FDFT1: variants seen among roughly 807,000 people sequenced by gnomAD.
The protein encoded by FDFT1 is farnesyl-diphosphate farnesyltransferase 1.
In FDFT1, 68 loss-of-function variants were observed where a neutral mutation model predicts 46.8. That is an observed-to-expected ratio of 1.45 (90% CI 1.19 to 1.78). The LOEUF is 1.78. FDFT1 is among the 40% of genes most tolerant of loss of function. The pLI is 0.00. For synonymous variants in FDFT1, 351 were observed against 185.1 expected (o/e 1.90, Z -7.28); for missense variants, 928 against 524.4 (o/e 1.77, Z -7.52).
At chr8:11,802,119 G>A, upstream of FDFT1, 1 of 454,576 alleles carries the variant, frequency 2.2e-6, no homozygotes, top group Non-Finnish European at 4.4e-6. Flanking sequence ...CACTAGAGAG[G>A]GGGCAGCTGA....
chr8:11,807,657 G>C (rs1431837389), intron 1 of FDFT1, among the ~76,000 whole-genome samples: 2 of 152,190 alleles, frequency 1.3e-5, no homozygotes, highest in East Asian at 3.8e-4. Context: ...TTTAAAATCA[G>C]GCTTTTTCTC....
intron 4 of FDFT1, among the ~76,000 whole-genome samples, chr8:11,822,700 G>C (rs1809432650): frequency 6.6e-6 from 1 of 152,152 alleles, no homozygotes; most frequent in African/African-American, 2.4e-5. Flanking sequence ...TGTGGTCCCA[G>C]CTACTCTGGA....
chr8:11,803,504 G>A (rs964751289), intron 1 of FDFT1: 4 of 1,220,826 alleles, frequency 3.3e-6, no homozygotes, highest in African/African-American at 3.2e-5. Context: ...GGATTAGCTA[G>A]GTGGTTGGTG....
At chr8:11,827,718 G>A (rs1158767475) in intron 5 of FDFT1, among the ~76,000 whole-genome samples, 2 of 152,112 alleles carry the variant, frequency 1.3e-5, no homozygotes, top group African/African-American at 4.8e-5. Flanking sequence ...AAAAGATGCT[G>A]AGTCTTACTC....
chr8:11,810,308 A>C (rs759265455), intron 3 of FDFT1, among the ~76,000 whole-genome samples: 7 of 152,186 alleles, frequency 4.6e-5, no homozygotes, highest in Non-Finnish European at 8.8e-5. Context: ...GATGCAGCCT[A>C]CCTGTAACAC....
rs555709606 is a variant in FDFT1 at position 11,811,463 on chromosome 8, C to G, written c.381+1613C>G. ...TAGGTATTGCTAAGTCAAGGCAGCCCTATCCCCTCAGCAGAAGTGAGGGAA... is the reference window on the plus strand; with the variant it reads ...TAGGTATTGCTAAGTCAAGGCAGCCGTATCCCCTCAGCAGAAGTGAGGGAA... On this transcript the variant is annotated intron_variant, in intron 3 of 7. Coordinates refer to ENST00000220584, the MANE Select transcript of FDFT1 (RefSeq NM_004462.5). Among the ~76,000 whole-genome samples, 111 of 152,330 alleles carry G rather than the reference C, an allele frequency of 7.3e-4. 1 individual carries two copies. The highest frequency in any genetic ancestry group is 2.4e-3 in the African/African-American group (100 of 41,576).
chr8:11,832,217 CTT>C (rs1419621710), intron 7 of FDFT1, among the ~76,000 whole-genome samples: 1 of 151,660 alleles, frequency 6.6e-6, no homozygotes, highest in Non-Finnish European at 1.5e-5. Flanking sequence ...AAAAAGAAAA[CTT>C]ACCTTCTTAG....
intron 7 of FDFT1, among the ~76,000 whole-genome samples, chr8:11,838,019 T>G (rs1256188889): frequency 5.9e-5 from 9 of 152,198 alleles, no homozygotes; most frequent in Non-Finnish European, 2.9e-5. Flanking sequence ...TTCCAGCATT[T>G]CCCTTTCGTC....
Position 11,821,759 on chromosome 8 carries a change from G to C in FDFT1, c.391G>C (p.Glu131Gln). 6.2e-7 allele frequency: 1 copy of C among 1,613,152 alleles called. No homozygotes were observed. ...VLEDFPTISL[E>Q]FRNLAEKYQT... Reference sequence around the variant, plus strand: ...ACGGTTTCCATTTCAGATCTCCCTTGAGTTTAGAAATCTGGCTGAGAAATA... The same window carrying C: ...ACGGTTTCCATTTCAGATCTCCCTTCAGTTTAGAAATCTGGCTGAGAAATA... The change falls in exon 4 of 8, where the codon GAG becomes CAG. Residue 131 changes from glutamate to glutamine, a missense_variant. Coordinates refer to ENST00000220584, the MANE Select transcript of FDFT1 (RefSeq NM_004462.5).
intron 7 of FDFT1, among the ~76,000 whole-genome samples, chr8:11,837,255 G>T (rs1290267813): frequency 6.6e-6 from 1 of 152,222 alleles, no homozygotes; most frequent in Admixed American, 6.5e-5. Context: ...TTTTGAGACA[G>T]GGTCTTGTTC....
At chr8:11,805,846 C>T (rs992389766) in intron 1 of FDFT1, among the ~76,000 whole-genome samples, 26 of 152,128 alleles carry the variant, frequency 1.7e-4, no homozygotes, top group Admixed American at 6.5e-4. Context: ...AAATTCTGCC[C>T]CAGGTCTTGC....
upstream of FDFT1, among the ~76,000 whole-genome samples, chr8:11,801,007 A>T (rs1201464049): frequency 6.6e-6 from 1 of 152,172 alleles, no homozygotes; most frequent in African/African-American, 2.4e-5. Flanking sequence ...AGAATATGGT[A>T]AATATAGGCA....
At chr8:11,809,132 A>C in intron 2 of FDFT1, 1 of 1,307,566 alleles carries the variant, frequency 7.6e-7, no homozygotes, top group South Asian at 2.0e-5. Context: ...ATGTTTATTA[A>C]CTTTTTTTAG....
rs777677522 is a variant in FDFT1 at position 11,808,756 on chromosome 8, C to G, written c.100-38C>G. ...CACTCCCACTCCCACTCCTGCTCCT[C>G]GACGTCTCCCACCGCCGTGTGTGTT... is the stretch of plus-strand genomic sequence containing the variant. On this transcript the variant is annotated intron_variant, in intron 1 of 7. Transcript: ENST00000220584. The G allele has an allele frequency of 4.4e-6, 7 of 1,579,398 alleles. No individual in the cohort carries two copies. In the African/African-American group the frequency reaches 9.4e-5, roughly 21 times the overall value.
intron 3 of FDFT1, among the ~76,000 whole-genome samples, chr8:11,820,817 C>G (rs1809130117): frequency 6.6e-6 from 1 of 152,236 alleles, no homozygotes; most frequent in South Asian, 2.1e-4. Flanking sequence ...TGACCCCTTG[C>G]ACTTCCTGGA....
At chr8:11,806,774 C>G (rs1041921026) in intron 1 of FDFT1, among the ~76,000 whole-genome samples, 5 of 152,156 alleles carry the variant, frequency 3.3e-5, no homozygotes, top group African/African-American at 9.7e-5. Flanking sequence ...GAAATCCTGC[C>G]TCTCGATATT....
chr8:11,804,236 G>C (rs928906093), intron 1 of FDFT1, among the ~76,000 whole-genome samples: 15 of 152,226 alleles, frequency 9.9e-5, no homozygotes, highest in African/African-American at 3.6e-4. Flanking sequence ...CAAGGGATCT[G>C]AGTGCAGTCA....
intron 3 of FDFT1, among the ~76,000 whole-genome samples, chr8:11,815,337 C>T (rs532182032): frequency 3.3e-5 from 5 of 152,228 alleles, no homozygotes; most frequent in Admixed American, 1.3e-4. Flanking sequence ...CATACATGTG[C>T]TTGTGTCTTC....
intron 1 of FDFT1, chr8:11,808,196 T>G: frequency 3.9e-6 from 4 of 1,035,256 alleles, no homozygotes; most frequent in Non-Finnish European, 3.6e-6. Flanking sequence ...AGTCCAGGCC[T>G]TATTGGGAAG....
Sources: allele counts gnomAD v4.1 joint callset (sites outside exome capture counted in the v4.1 genomes callset), GRCh38; gene constraint gnomAD v4.1.1; transcripts MANE v1.5; gene names NCBI Gene and HGNC (gene_info 2026-07-23, HGNC 2026-07-21).